Variants in SPATA13 observed in about 807,000 individuals in gnomAD.
The protein encoded by SPATA13 is spermatogenesis-associated protein 13.
SPATA13 carries 50 observed loss-of-function variants against 104.0 expected under a neutral mutation model. The observed-to-expected ratio is 0.48, with a 90% confidence interval of 0.38 to 0.61. The LOEUF is 0.61. Ranked by LOEUF, SPATA13 falls within the 20% of genes least tolerant of loss-of-function variation. The pLI, the probability that SPATA13 is intolerant of heterozygous loss-of-function variation, is 0.00. For missense variants in SPATA13, 1,524 were observed against 1,690.6 expected (o/e 0.90, Z 1.73); for synonymous variants, 606 against 667.5 (o/e 0.91, Z 1.42).
intron 4 of SPATA13, chr13:24,278,646 C>T (rs1019905086): frequency 4.0e-6 from 6 of 1,491,542 alleles, no homozygotes; most frequent in Admixed American, 2.8e-5. Flanking sequence ...CCACTTGAGG[C>T]TCAAAGCACA....
At chr13:24,144,155 C>G (rs1390967419) in intron 3 of SPATA13, among the ~76,000 whole-genome samples, 1 of 152,158 alleles carries the variant, frequency 6.6e-6, no homozygotes. Flanking sequence ...AGAGCAGAAA[C>G]TCAGTTCCCA....
intron 1 of SPATA13, among the ~76,000 whole-genome samples, chr13:24,168,819 G>A (rs1213586475): frequency 6.6e-6 from 1 of 151,780 alleles, no homozygotes; most frequent in Non-Finnish European, 1.5e-5. Flanking sequence ...ATTTAAATAA[G>A]GAAAGTTAAA....
At chr13:24,044,233 C>CTTTTTTTTTT (rs67709070) in intron 3 of SPATA13, among the ~76,000 whole-genome samples, 1 of 123,012 alleles carries the variant, frequency 8.1e-6, no homozygotes. Context: ...TTCTTTCTTT[C>CTTTTTTTTTT]TTTTTTTTTT....
At chr13:24,183,540 A>G (rs113837138) in intron 1 of SPATA13, among the ~76,000 whole-genome samples, 2,124 of 152,254 alleles carry the variant, frequency 0.014, 30 homozygotes, top group Middle Eastern at 0.041. Flanking sequence ...GCAGCCCAAG[A>G]TGGCTTTGAA....
chr13:24,036,306 C>T (rs1035529769), intron 3 of SPATA13, among the ~76,000 whole-genome samples: 1 of 152,152 alleles, frequency 6.6e-6, no homozygotes. Context: ...GCTGGGCTGT[C>T]CTTATCTGTT....
Position 24,286,719 on chromosome 13 carries a change from G to GC in SPATA13, c.2482-43dup. On this transcript the variant is annotated intron_variant, in intron 6 of 12. Coordinates refer to ENST00000382108, the MANE Select transcript of SPATA13 (RefSeq NM_001166271.3). This position sits in a 1 kb window ranked among gnomAD's most constrained non-coding sequence, Gnocchi z 4.9. ...AGGTCTCCTGCCTCTGCTCCATGCT[G>GC]CCCTCCCCTGCCCCAAGTCACCTGT... 1 of 1,575,906 alleles carries GC rather than the reference G, an allele frequency of 6.3e-7. No individual in the cohort carries two copies. Among genetic ancestry groups the GC allele is most frequent in the African/African-American group, 1.3e-5 (1 of 74,376 alleles).
chr13:24,231,140 C>T (rs1030925147), intron 2 of SPATA13, among the ~76,000 whole-genome samples: 1 of 152,138 alleles, frequency 6.6e-6, no homozygotes, highest in Non-Finnish European at 1.5e-5. Flanking sequence ...TTTGTGTCTA[C>T]ACCTTTTATT....
intron 3 of SPATA13, among the ~76,000 whole-genome samples, chr13:24,144,065 T>TG (rs779789230): frequency 3.3e-5 from 5 of 152,070 alleles, no homozygotes; most frequent in Non-Finnish European, 5.9e-5. Context: ...CCCCCGACTG[T>TG]GAATGTTCAT....
intron 3 of SPATA13, among the ~76,000 whole-genome samples, chr13:24,104,079 A>G (rs1880356831): frequency 6.6e-6 from 1 of 152,146 alleles, no homozygotes; most frequent in Admixed American, 6.5e-5. Context: ...TATAAATGAA[A>G]TTACTTATAT....
chr13:24,242,385 T>C (rs1872890344), intron 2 of SPATA13, among the ~76,000 whole-genome samples: 1 of 152,160 alleles, frequency 6.6e-6, no homozygotes, highest in Admixed American at 6.5e-5. Flanking sequence ...TGTGATAAGC[T>C]CATGGAGGCT....
chr13:24,169,254 G>C (rs1199062833), intron 1 of SPATA13, among the ~76,000 whole-genome samples: 1 of 152,194 alleles, frequency 6.6e-6, no homozygotes, highest in African/African-American at 2.4e-5. Context: ...GATGGAACAC[G>C]AATGGTGTGC....
chr13:24,299,555 G>A (rs1877036294), intron 11 of SPATA13, among the ~76,000 whole-genome samples: 1 of 152,242 alleles, frequency 6.6e-6, no homozygotes, highest in Admixed American at 6.5e-5. Flanking sequence ...CGTCAGGACA[G>A]TCTGGGACAG....
At chr13:24,142,916 C>A (rs556364874) in intron 3 of SPATA13, among the ~76,000 whole-genome samples, 1 of 152,308 alleles carries the variant, frequency 6.6e-6, no homozygotes, top group East Asian at 1.9e-4. Context: ...TCAGGGCCTT[C>A]TCCTTTCTTG....
chr13:24,077,941 C>T (rs139830824), intron 3 of SPATA13, among the ~76,000 whole-genome samples: 25 of 152,134 alleles, frequency 1.6e-4, no homozygotes, highest in African/African-American at 6.0e-4. Context: ...CTGTCCCACC[C>T]CAGGCTTGAT....
At chr13:24,022,912 GGTT>G (rs796311143) in intron 3 of SPATA13, among the ~76,000 whole-genome samples, 7 of 151,874 alleles carry the variant, frequency 4.6e-5, no homozygotes, top group African/African-American at 1.7e-4. Context: ...ACTATATAGA[GGTT>G]GTTCAAATAC....
intron 3 of SPATA13, among the ~76,000 whole-genome samples, chr13:24,026,671 G>A (rs564038026): frequency 4.6e-5 from 7 of 152,078 alleles, no homozygotes; most frequent in South Asian, 2.1e-4. Context: ...TCCGCCTCCC[G>A]GGTTCACGCC....
intron 2 of SPATA13, among the ~76,000 whole-genome samples, chr13:24,236,061 G>A (rs1188465845): frequency 5.9e-5 from 9 of 152,118 alleles, no homozygotes; most frequent in Non-Finnish European, 8.8e-5. Context: ...TGTCACATAA[G>A]TAGTGAGGGG....
At chr13:24,219,813 C>T (rs924766180) in intron 1 of SPATA13, among the ~76,000 whole-genome samples, 1 of 152,156 alleles carries the variant, frequency 6.6e-6, no homozygotes, top group Non-Finnish European at 1.5e-5. Flanking sequence ...TTTCTAAACC[C>T]ACTTTCACCT....
chr13:24,161,044 C>A lies in SPATA13; in HGVS notation c.-112+112C>A. 1.6e-6 allele frequency: 1 copy of A among 618,756 alleles called. No homozygotes were observed. The highest frequency in any genetic ancestry group is 2.0e-6 in the Non-Finnish European group (1 of 494,474). 38.3% of individuals were successfully genotyped at this position (618,756 alleles called of 1,614,324 possible). A position where few individuals can be genotyped will look rare whatever the true frequency, so the allele number is the denominator to read the frequency against. ...GGACTGCCTCGGGGCTTCGGGATGT[C>A]CAGCTCCCAGCTGCTTGGCCTCTGC... On this transcript the variant is annotated intron_variant, in intron 1 of 12. Transcript: ENST00000382108. This position sits in a 1 kb window ranked among gnomAD's most constrained non-coding sequence, Gnocchi z 4.5.
Sources: gnomAD v4.1 joint callset for allele counts (sites outside exome capture counted in the v4.1 genomes callset) on GRCh38, gnomAD v4.1.1 for gene constraint, Gnocchi (gnomAD v3.1) non-coding constraint, MANE v1.5 for transcripts, NCBI Gene and HGNC (gene_info 2026-07-23, HGNC 2026-07-21) for gene names.